Variants in PDGFD observed in about 807,000 individuals in gnomAD.
PDGFD encodes platelet derived growth factor D, also known as platelet-derived growth factor D.
PDGFD carries 30 observed loss-of-function variants against 44.7 expected under a neutral mutation model. The ratio of observed to expected loss-of-function variants is 0.67; its 90% CI spans 0.50 to 0.91. The LOEUF (loss-of-function observed/expected upper bound fraction) is 0.91, where lower values mean the gene tolerates loss of function less well. PDGFD is among the 40% of genes least tolerant of loss of function. The pLI is 0.00. For missense variants in PDGFD, 445 were observed against 457.8 expected (o/e 0.97, Z 0.25); for synonymous variants, 173 against 168.4 (o/e 1.03, Z -0.21).
chr11:104,143,255 T>C (rs1161050152), intron 1 of PDGFD, among the ~76,000 whole-genome samples: 2 of 152,240 alleles, frequency 1.3e-5, no homozygotes, highest in East Asian at 3.8e-4. Flanking sequence ...AGAAACTGTC[T>C]GCTGGGCCTG....
At chr11:104,129,700 G>A (rs766896657) in intron 1 of PDGFD, among the ~76,000 whole-genome samples, 7 of 152,060 alleles carry the variant, frequency 4.6e-5, no homozygotes, top group Non-Finnish European at 8.8e-5. Context: ...CGTGAAACAC[G>A]AAGTCAAGAG....
chr11:103,984,898 T>C (rs1222132557), intron 3 of PDGFD, among the ~76,000 whole-genome samples: 1 of 139,986 alleles, frequency 7.1e-6, no homozygotes, highest in Non-Finnish European at 1.5e-5. Context: ...TACTATATAA[T>C]ATATTAATTT....
chr11:104,092,918 G>A (rs1306057504), intron 1 of PDGFD, among the ~76,000 whole-genome samples: 1 of 152,038 alleles, frequency 6.6e-6, no homozygotes, highest in Non-Finnish European at 1.5e-5. Context: ...CTCCATAGGG[G>A]GGCTGAGAAC....
chr11:103,934,805 T>C (rs917946125), intron 5 of PDGFD, among the ~76,000 whole-genome samples: 2 of 152,076 alleles, frequency 1.3e-5, no homozygotes, highest in African/African-American at 2.4e-5. Context: ...ATGTGGGGAT[T>C]ATGGGGATTA....
intron 6 of PDGFD, among the ~76,000 whole-genome samples, chr11:103,911,342 G>C (rs529257470): frequency 1.2e-4 from 19 of 152,278 alleles, no homozygotes; most frequent in African/African-American, 4.1e-4. Flanking sequence ...ACAGGGTCTG[G>C]AGTGGACCTC....
chr11:104,022,916 T>G (rs976367301), intron 1 of PDGFD, among the ~76,000 whole-genome samples: 5 of 152,080 alleles, frequency 3.3e-5, no homozygotes, highest in Non-Finnish European at 5.9e-5. Context: ...ATATAAAATT[T>G]GTTTTTTTTC....
At chr11:104,056,569 A>G (rs1173705988) in intron 1 of PDGFD, among the ~76,000 whole-genome samples, 1 of 152,096 alleles carries the variant, frequency 6.6e-6, no homozygotes, top group Admixed American at 6.5e-5. Context: ...TGGAGCCCCA[A>G]GTCAAGGAAC....
chr11:104,054,786 A>G (rs1860595941), intron 1 of PDGFD, among the ~76,000 whole-genome samples: 1 of 152,250 alleles, frequency 6.6e-6, no homozygotes, highest in South Asian at 2.1e-4. Flanking sequence ...AATGCCAAAA[A>G]GAAGCCACTT....
chr11:103,933,171 T>A (rs1858432599), intron 5 of PDGFD, among the ~76,000 whole-genome samples: 1 of 152,142 alleles, frequency 6.6e-6, no homozygotes, highest in Non-Finnish European at 1.5e-5. Context: ...CAGCACCAGG[T>A]TTATGATGCT....
At position 104,053,111 on chromosome 11, in the gene PDGFD, C is replaced by T. The variant is rs143926769; in HGVS notation, c.125-52856G>A. 2.5e-4 allele frequency among the ~76,000 whole-genome samples: 38 copies of T among 152,236 alleles called. No individual in the cohort carries two copies. The East Asian group carries it at 7.3e-3, about 29-fold the overall frequency. ...ATTATGAAAATTGGAATGGTGAACT[C>T]CTCTGAAGAACCTCAGTCTATTCAA... On this transcript the variant is annotated intron_variant, in intron 1 of 6. Coordinates refer to ENST00000393158, the MANE Select transcript of PDGFD (RefSeq NM_025208.5).
intron 1 of PDGFD, among the ~76,000 whole-genome samples, chr11:104,004,560 G>C (rs1205734108): frequency 6.6e-6 from 1 of 152,090 alleles, no homozygotes; most frequent in Non-Finnish European, 1.5e-5. Flanking sequence ...AATACTGAGG[G>C]ATGACTATAT....
At chr11:104,054,879 G>A (rs920396371) in intron 1 of PDGFD, among the ~76,000 whole-genome samples, 6 of 152,196 alleles carry the variant, frequency 3.9e-5, no homozygotes, top group African/African-American at 1.4e-4. Flanking sequence ...TACAAACCAA[G>A]CACAGGTGGA....
At chr11:104,098,367 T>C (rs927042724) in intron 1 of PDGFD, among the ~76,000 whole-genome samples, 1 of 152,100 alleles carries the variant, frequency 6.6e-6, no homozygotes, top group African/African-American at 2.4e-5. Flanking sequence ...GGAAGAGAAA[T>C]ACAAGGTGTC....
chr11:104,121,064 A>C (rs921312217), intron 1 of PDGFD, among the ~76,000 whole-genome samples: 3 of 152,030 alleles, frequency 2.0e-5, no homozygotes, highest in Admixed American at 1.3e-4. Flanking sequence ...TATTTAATCC[A>C]ACAAAAGCAA....
chr11:103,925,225 T>A (rs1308903414), intron 6 of PDGFD, among the ~76,000 whole-genome samples: 6 of 152,186 alleles, frequency 3.9e-5, no homozygotes. Flanking sequence ...TTGGGTTGGT[T>A]CCAAGTCTTT....
At chr11:104,130,713 C>T (rs1219129268) in intron 1 of PDGFD, among the ~76,000 whole-genome samples, 11 of 152,256 alleles carry the variant, frequency 7.2e-5, no homozygotes, top group African/African-American at 2.6e-4. Flanking sequence ...GTCATTCAAG[C>T]TTTGGCTCCA....
intron 3 of PDGFD, among the ~76,000 whole-genome samples, chr11:103,952,668 T>G (rs1858777361): frequency 6.6e-6 from 1 of 152,198 alleles, no homozygotes; most frequent in Non-Finnish European, 1.5e-5. Flanking sequence ...TGTGCATCTC[T>G]TAGTTACATG....
intron 1 of PDGFD, among the ~76,000 whole-genome samples, chr11:104,054,390 C>T (rs960048231): frequency 1.3e-5 from 2 of 152,054 alleles, no homozygotes; most frequent in Non-Finnish European, 2.9e-5. Context: ...AGTCTATTTC[C>T]TCCCTAAATA....
intron 1 of PDGFD, among the ~76,000 whole-genome samples, chr11:104,057,531 G>A (rs1463661606): frequency 1.3e-5 from 2 of 152,148 alleles, no homozygotes; most frequent in African/African-American, 4.8e-5. Flanking sequence ...CTAGAGAGGA[G>A]AGAGGGAGGA....
Sources: allele counts gnomAD v4.1 joint callset (sites outside exome capture counted in the v4.1 genomes callset), GRCh38; gene constraint gnomAD v4.1.1; transcripts MANE v1.5; gene names NCBI Gene and HGNC (gene_info 2026-07-23, HGNC 2026-07-21).